The following HDAC9 variants were observed in gnomAD, a reference collection of about 807,000 sequenced individuals.
The protein encoded by HDAC9 is histone deacetylase 9, also known as MEF-2 interacting transcription repressor (MITR) protein.
HDAC9 carries 41 observed loss-of-function variants against 139.4 expected under a neutral mutation model. The ratio of observed to expected loss-of-function variants is 0.29; its 90% CI spans 0.23 to 0.38. HDAC9 has a LOEUF of 0.38. Among genes scored for constraint, HDAC9 ranks in the 10% least tolerant of loss-of-function variants. The probability of loss-of-function intolerance (pLI) is 1.00; values close to 1 mark genes in which losing one functional copy is unlikely to be tolerated. For synonymous variants in HDAC9, 517 were observed against 476.2 expected (o/e 1.09, Z -1.12); for missense variants, 1,147 against 1,297.0 (o/e 0.88, Z 1.78).
intron 1 of HDAC9, among the ~76,000 whole-genome samples, chr7:18,425,175 A>C (rs2128755333): frequency 6.6e-6 from 1 of 152,350 alleles, no homozygotes; most frequent in South Asian, 2.1e-4. Context: ...GAATTTGCAG[A>C]CAGCTTGCAG....
At chr7:18,238,791 C>T (rs1481130752) in intron 2 of HDAC9, among the ~76,000 whole-genome samples, 1 of 152,110 alleles carries the variant, frequency 6.6e-6, no homozygotes, top group East Asian at 1.9e-4. Context: ...GAAGGAAAAC[C>T]ATAGAATGTT....
intron 16 of HDAC9, among the ~76,000 whole-genome samples, chr7:18,789,758 T>C (rs1485614470): frequency 6.6e-6 from 1 of 152,200 alleles, no homozygotes; most frequent in Non-Finnish European, 1.5e-5. Context: ...TTTCCCTTTT[T>C]TCTTCCCCTC....
At chr7:18,908,011 A>G (rs1802416667) in intron 22 of HDAC9, among the ~76,000 whole-genome samples, 1 of 152,158 alleles carries the variant, frequency 6.6e-6, no homozygotes, top group Non-Finnish European at 1.5e-5. Context: ...AAAAGGCATC[A>G]TTTATTATAC....
chr7:18,824,805 T>G (rs1440541674), intron 17 of HDAC9, among the ~76,000 whole-genome samples: 5 of 152,278 alleles, frequency 3.3e-5, no homozygotes, highest in African/African-American at 1.2e-4. Flanking sequence ...TTATCCACTG[T>G]GTGGATGTAA....
At chr7:18,410,588 A>T (rs1175794590) in intron 1 of HDAC9, among the ~76,000 whole-genome samples, 2 of 152,206 alleles carry the variant, frequency 1.3e-5, no homozygotes, top group African/African-American at 4.8e-5. Flanking sequence ...TTTAATAAAG[A>T]CTTGAATGAC....
At chr7:18,419,100 A>G (rs1427487) in intron 1 of HDAC9, among the ~76,000 whole-genome samples, 149,273 of 152,270 alleles carry the variant, frequency 0.98, 73,250 homozygotes, top group East Asian at 1. Context: ...CAATTATTTC[A>G]TTAATACTTA....
At chr7:18,298,504 A>C (rs1267407595) in intron 1 of HDAC9, among the ~76,000 whole-genome samples, 1 of 151,962 alleles carries the variant, frequency 6.6e-6, no homozygotes, top group Non-Finnish European at 1.5e-5. Flanking sequence ...CTCATTGTTC[A>C]ATTCCCACCT....
At chr7:18,738,450 G>A (rs1787131107) in intron 13 of HDAC9, among the ~76,000 whole-genome samples, 3 of 152,096 alleles carry the variant, frequency 2.0e-5, no homozygotes, top group Admixed American at 2.0e-4. Context: ...TGTAAGGCAG[G>A]CCTGGTATTG....
intron 1 of HDAC9, among the ~76,000 whole-genome samples, chr7:18,437,711 T>A (rs1184759428): frequency 3.3e-5 from 5 of 151,826 alleles, no homozygotes; most frequent in Non-Finnish European, 5.9e-5. Flanking sequence ...GCATCATCAC[T>A]GTAATGCAGG....
chr7:18,817,210 AT>A (rs1344851522), intron 17 of HDAC9, among the ~76,000 whole-genome samples: 8 of 151,900 alleles, frequency 5.3e-5, no homozygotes, highest in South Asian at 2.1e-4. Context: ...GATTTTTTGT[AT>A]TTTTTAGTAG....
chr7:18,288,723 G>A (rs1797611671), upstream of HDAC9, among the ~76,000 whole-genome samples: 1 of 152,132 alleles, frequency 6.6e-6, no homozygotes, highest in Non-Finnish European at 1.5e-5. Context: ...GCAGCTTAAT[G>A]CTCTAGGTGA....
intron 2 of HDAC9, among the ~76,000 whole-genome samples, chr7:18,267,370 C>T (rs1002829844): frequency 4.6e-5 from 7 of 151,992 alleles, no homozygotes; most frequent in Non-Finnish European, 1.5e-5. Flanking sequence ...GTCACCATGA[C>T]GTACAATAGA....
At chr7:18,718,627 A>T (rs1784896388) in intron 12 of HDAC9, among the ~76,000 whole-genome samples, 1 of 152,142 alleles carries the variant, frequency 6.6e-6, no homozygotes. Context: ...CGGCTAGATA[A>T]TATTCTATTT....
intron 1 of HDAC9, among the ~76,000 whole-genome samples, chr7:18,111,654 C>A (rs999317482): frequency 2.0e-5 from 3 of 152,050 alleles, no homozygotes; most frequent in Non-Finnish European, 2.9e-5. Flanking sequence ...TATTGTTTTT[C>A]AACTTGTATT....
chr7:18,270,090 A>G (rs1317870687), intron 2 of HDAC9, among the ~76,000 whole-genome samples: 2 of 152,094 alleles, frequency 1.3e-5, no homozygotes, highest in Non-Finnish European at 2.9e-5. Context: ...ACATTGTGAC[A>G]ACCAAAAATG....
At chr7:18,272,479 A>G (rs1317637417) in intron 2 of HDAC9, among the ~76,000 whole-genome samples, 2 of 152,150 alleles carry the variant, frequency 1.3e-5, no homozygotes, top group Non-Finnish European at 2.9e-5. Flanking sequence ...AGGACCACTA[A>G]ATTTAAAATG....
In HDAC9 at chr7:18,835,868, C is replaced by G. The variant is rs377315703; in HGVS notation, c.2587-32C>G. Reference sequence around the variant, plus strand: ...TGCTTTCTTCCATTTGCTCTCTTCTCTGCCCACCGTGGTGTGTCTTTCTCT... The same window carrying G: ...TGCTTTCTTCCATTTGCTCTCTTCTGTGCCCACCGTGGTGTGTCTTTCTCT... On this transcript the variant is annotated intron_variant, in intron 20 of 25. Coordinates refer to ENST00000686413, the MANE Select transcript of HDAC9 (RefSeq NM_178425.4). 19 of 1,413,352 alleles carry G rather than the reference C, an allele frequency of 1.3e-5. No individual in the cohort carries two copies. In the African/African-American group the frequency reaches 2.6e-4, roughly 19 times the overall value. 87.6% of individuals were successfully genotyped at this position (1,413,352 alleles called of 1,614,324 possible).
intron 12 of HDAC9, among the ~76,000 whole-genome samples, chr7:18,716,718 T>A (rs1329117961): frequency 6.6e-6 from 1 of 152,192 alleles, no homozygotes; most frequent in East Asian, 1.9e-4. Context: ...CAGCTTCACA[T>A]AGGTCAATGC....
At chr7:18,697,549 A>G (rs145284834) in intron 12 of HDAC9, among the ~76,000 whole-genome samples, 1 of 152,270 alleles carries the variant, frequency 6.6e-6, no homozygotes, top group Non-Finnish European at 1.5e-5. Flanking sequence ...CCTTTGGGTA[A>G]CATCTGAAGC....
Sources: allele counts gnomAD v4.1 joint callset (sites outside exome capture counted in the v4.1 genomes callset), GRCh38; gene constraint gnomAD v4.1.1; transcripts MANE v1.5; gene names NCBI Gene and HGNC (gene_info 2026-07-23, HGNC 2026-07-21).